MYO16: variants seen among roughly 807,000 people sequenced by gnomAD.
MYO16 encodes the protein unconventional myosin-XVI.
MYO16 carries 94 observed loss-of-function variants against 205.3 expected under a neutral mutation model. That is an observed-to-expected ratio of 0.46 (90% CI 0.39 to 0.54). MYO16 has a LOEUF of 0.54. Among genes scored for constraint, MYO16 ranks in the 20% least tolerant of loss-of-function variants. MYO16 has a pLI of 0.00. For missense variants in MYO16, 2,315 were observed against 2,387.5 expected (o/e 0.97, Z 0.63); for synonymous variants, 988 against 954.0 (o/e 1.04, Z -0.66).
At chr13:109,040,427 C>CA (rs1886850156) in intron 23 of MYO16, among the ~76,000 whole-genome samples, 1 of 84,314 alleles carries the variant, frequency 1.2e-5, no homozygotes, top group South Asian at 4.6e-4. Flanking sequence ...AAATTAAAAA[C>CA]AAAAAACATC....
intron 1 of MYO16, among the ~76,000 whole-genome samples, chr13:108,596,822 A>G (rs78856888): frequency 0.012 from 1,870 of 152,308 alleles, 31 homozygotes; most frequent in African/African-American, 0.039. Flanking sequence ...CAGCCTTGAC[A>G]CTTTATTTCT....
chr13:108,751,308 A>AT (rs552051590), intron 4 of MYO16, among the ~76,000 whole-genome samples: 10 of 151,584 alleles, frequency 6.6e-5, no homozygotes, highest in South Asian at 2.1e-4. Context: ...TTGGGAGGTG[A>AT]TTTTTTTTTA....
chr13:108,992,986 G>C (rs1381003523), intron 21 of MYO16, among the ~76,000 whole-genome samples: 3 of 152,090 alleles, frequency 2.0e-5, no homozygotes, highest in African/African-American at 7.2e-5. Context: ...AGCACTGCAT[G>C]AATAGTTTTA....
At position 108,850,921 on chromosome 13, in the gene MYO16, A is replaced by T. The variant is rs536547288; in HGVS notation, c.1249-4522A>T. On this transcript the variant is annotated intron_variant, in intron 10 of 34. Coordinates refer to ENST00000457511, the MANE Select transcript of MYO16 (RefSeq NM_001198950.3). ...GCTGTGCCACTGAAAACGAGAATCC[A>T]CAGGAATACCAATGAGATGTCTGTG... Among the ~76,000 whole-genome samples the T allele has an allele frequency of 3.3e-5, 5 of 152,332 alleles. No homozygotes were observed. In the South Asian group the frequency reaches 1.0e-3, roughly 32 times the overall value.
intron 9 of MYO16, among the ~76,000 whole-genome samples, chr13:108,830,726 A>G (rs555429437): frequency 3.9e-5 from 6 of 152,064 alleles, no homozygotes; most frequent in Admixed American, 2.0e-4. Context: ...TAACCGGCCC[A>G]TTGTGCACAG....
intron 2 of MYO16, among the ~76,000 whole-genome samples, chr13:108,699,496 G>C (rs1883219103): frequency 6.6e-6 from 1 of 152,098 alleles, no homozygotes; most frequent in South Asian, 2.1e-4. Context: ...GCATTATATA[G>C]AGAGAAAATA....
chr13:109,161,292 T>C (rs1367059296), intron 32 of MYO16, among the ~76,000 whole-genome samples: 1 of 152,186 alleles, frequency 6.6e-6, no homozygotes, highest in East Asian at 1.9e-4. Flanking sequence ...TCCTATCCTT[T>C]ACATCAACAA....
chr13:108,633,333 C>T (rs1880074350), intron 1 of MYO16, among the ~76,000 whole-genome samples: 1 of 152,064 alleles, frequency 6.6e-6, no homozygotes, highest in Non-Finnish European at 1.5e-5. Context: ...AGTCAGAGTC[C>T]CAAAATATCA....
intron 29 of MYO16, among the ~76,000 whole-genome samples, chr13:109,121,966 G>A (rs1184970212): frequency 6.6e-6 from 1 of 152,208 alleles, no homozygotes; most frequent in Non-Finnish European, 1.5e-5. Context: ...TCAGTGCAGG[G>A]GAGAGGGCGG....
At chr13:108,608,960 C>A (rs1266045149) in intron 1 of MYO16, among the ~76,000 whole-genome samples, 1 of 152,104 alleles carries the variant, frequency 6.6e-6, no homozygotes. Context: ...GAAAGTAAAT[C>A]CTTGTAACCA....
rs145995719 is a variant in MYO16 at position 109,020,280 on chromosome 13, A to AT, written c.2796+375dup. 1.8e-3 allele frequency among the ~76,000 whole-genome samples: 279 copies of AT among 152,252 alleles called. 1 individual carries two copies. Among genetic ancestry groups the AT allele is most frequent in the African/African-American group, 6.6e-3 (273 of 41,540 alleles). ...TGAATATAGTTTTTAGTATTAAAGT[A>AT]TTTTTTATTAAAGCATGTCAACTTA... On this transcript the variant is annotated intron_variant, in intron 23 of 34. Transcript: ENST00000457511.
chr13:109,121,007 C>T (rs1875962295), intron 29 of MYO16, among the ~76,000 whole-genome samples: 1 of 152,112 alleles, frequency 6.6e-6, no homozygotes, highest in Non-Finnish European at 1.5e-5. Context: ...CGTGTTTCTA[C>T]CACTGCACAG....
chr13:108,737,709 TG>T (rs1266423408), intron 4 of MYO16, among the ~76,000 whole-genome samples: 1 of 152,222 alleles, frequency 6.6e-6, no homozygotes, highest in Admixed American at 6.5e-5. Context: ...TCAGACAGAA[TG>T]GTACCAGCTC....
At position 108,753,655 on chromosome 13, in the gene MYO16, A is replaced by G. The variant is rs570318654; in HGVS notation, c.507+26072A>G. Among the ~76,000 whole-genome samples, 314 of 152,278 alleles carry G rather than the reference A, an allele frequency of 2.1e-3. 2 individuals are homozygous for G. The highest frequency in any genetic ancestry group is 7.0e-3 in the African/African-American group (293 of 41,570). On this transcript the variant is annotated intron_variant, in intron 4 of 34. Transcript: ENST00000457511. The stretch of plus-strand genomic sequence containing the variant: ...TTTTAAATTCTAAGAAAATATAGAA[A>G]GTATATGGTGTGTTTAAGTCTGCTA...
At chr13:109,171,310 T>C (rs1228811164) in intron 33 of MYO16, among the ~76,000 whole-genome samples, 2 of 152,226 alleles carry the variant, frequency 1.3e-5, no homozygotes, top group Non-Finnish European at 2.9e-5. Flanking sequence ...CAATTATTAG[T>C]ACAGGTTCAT....
intron 5 of MYO16, among the ~76,000 whole-genome samples, chr13:108,790,176 C>CA (rs1886574711): frequency 6.6e-6 from 1 of 152,162 alleles, no homozygotes; most frequent in South Asian, 2.1e-4. Context: ...AAAACCATCA[C>CA]AATAGCGGCA....
At chr13:109,026,762 C>T (rs919443637) in intron 23 of MYO16, among the ~76,000 whole-genome samples, 1 of 152,138 alleles carries the variant, frequency 6.6e-6, no homozygotes, top group African/African-American at 2.4e-5. Context: ...TATCCATCTT[C>T]CCTCAGATCA....
At position 109,148,201 on chromosome 13, in the gene MYO16, CTA is replaced by C. The variant is rs532366052; in HGVS notation, c.5164+6827_5164+6828del. On this transcript the variant is annotated intron_variant, in intron 32 of 34. Coordinates refer to ENST00000457511, the MANE Select transcript of MYO16 (RefSeq NM_001198950.3). ...TAAATGTATCAGTAACCAAATTTATCTATGTTAAGAGCACAAAGCTCTTTGTT... is the reference window on the plus strand; with the variant it reads ...TAAATGTATCAGTAACCAAATTTATCTGTTAAGAGCACAAAGCTCTTTGTT... 4.2e-3 allele frequency among the ~76,000 whole-genome samples: 634 copies of C among 152,250 alleles called. 5 individuals carry two copies. Among genetic ancestry groups the C allele is most frequent in the African/African-American group, 0.014 (600 of 41,540 alleles).
chr13:108,958,160 C>T (rs1250285241), intron 17 of MYO16, among the ~76,000 whole-genome samples: 2 of 146,112 alleles, frequency 1.4e-5, no homozygotes, highest in African/African-American at 2.5e-5. Flanking sequence ...TATAATATAT[C>T]ATTTTAAAAT....
Sources: gnomAD v4.1 joint callset for allele counts (sites outside exome capture counted in the v4.1 genomes callset) on GRCh38, gnomAD v4.1.1 for gene constraint, MANE v1.5 for transcripts, NCBI Gene and HGNC (gene_info 2026-07-23, HGNC 2026-07-21) for gene names.